The following TM9SF3 variants were observed in gnomAD, a reference collection of about 807,000 sequenced individuals.
TM9SF3 encodes SM-11044-binding protein.
In TM9SF3, 14 loss-of-function variants were observed where a neutral mutation model predicts 78.6. That is an observed-to-expected ratio of 0.18 (90% CI 0.12 to 0.28). The LOEUF is 0.28. Among genes scored for constraint, TM9SF3 ranks in the 10% least tolerant of loss-of-function variants. TM9SF3 has a pLI of 1.00. For synonymous variants in TM9SF3, 231 were observed against 241.7 expected (o/e 0.96, Z 0.41); for missense variants, 496 against 721.9 (o/e 0.69, Z 3.59).
intron 2 of TM9SF3, among the ~76,000 whole-genome samples, chr10:96,566,457 G>A (rs1183714484): frequency 1.3e-5 from 2 of 152,138 alleles, no homozygotes; most frequent in African/African-American, 2.4e-5. Flanking sequence ...TTAAGAGAGA[G>A]AGTAGCTTCC....
At chr10:96,532,158 C>T (rs557106365) in intron 10 of TM9SF3, among the ~76,000 whole-genome samples, 3 of 151,304 alleles carry the variant, frequency 2.0e-5, no homozygotes, top group East Asian at 1.9e-4. Flanking sequence ...TGCAGTGAGC[C>T]GAGATCACAC....
intron 6 of TM9SF3, among the ~76,000 whole-genome samples, 176 bp downstream of exon 6, chr10:96,552,752 A>G (rs1029668223): frequency 4.6e-5 from 7 of 152,164 alleles, no homozygotes; most frequent in African/African-American, 1.7e-4. Context: ...ATATTATTTG[A>G]TTACAGGGCA....
chr10:96,562,895 CT>C (rs1177401402), intron 3 of TM9SF3, among the ~76,000 whole-genome samples: 1 of 152,186 alleles, frequency 6.6e-6, no homozygotes, highest in African/African-American at 2.4e-5. Context: ...TTCCCAATAG[CT>C]TTATGCTCTG....
chr10:96,556,438 A>G (rs1311307701), intron 5 of TM9SF3, among the ~76,000 whole-genome samples: 1 of 152,220 alleles, frequency 6.6e-6, no homozygotes. Flanking sequence ...GGTCATAGTA[A>G]GCGGCAAAGC....
Position 96,586,892 on chromosome 10 carries a change from T to TCCGCCG in TM9SF3, c.-58_-57insCGGCGG, listed in dbSNP as rs1564944124. 2.0e-5 allele frequency: 22 copies of TCCGCCG among 1,112,640 alleles called. No homozygotes were observed. The East Asian group carries it at 8.1e-4, about 41-fold the overall frequency. The allele number at this position is 1,112,640 out of a possible 1,614,324, so 68.9% of individuals were successfully genotyped here. Reference sequence around the variant, plus strand: ...ACCGACTCCTCCTCCCGCCGCCGCCTCCTCCGCCGCCGCCGCCTCCGCCGC... The same window carrying TCCGCCG: ...ACCGACTCCTCCTCCCGCCGCCGCCTCCGCCGCCTCCGCCGCCGCCGCCTCCGCCGC... On this transcript the variant is annotated 5_prime_UTR_variant, in exon 1 of 15. Transcript: ENST00000371142.
chr10:96,562,043 C>T lies in TM9SF3; in HGVS notation c.517G>A (p.Val173Ile). 6.2e-7 allele frequency: 1 copy of T among 1,613,432 alleles called. No homozygotes were observed. The highest frequency in any genetic ancestry group is 8.5e-7 in the Non-Finnish European group (1 of 1,179,664). The change falls in exon 4 of 15, where the codon GTT becomes ATT. Residue 173 changes from valine to isoleucine, a missense_variant. Transcript: ENST00000371142. ...IGFNGNRIVD[V>I]NLTSEGKVKL... Reference sequence around the variant, plus strand: ...ACCTTTCCTTCACTAGTTAGATTAACATCAACAATTCGATTTCCATTAAAA... The same window carrying T: ...ACCTTTCCTTCACTAGTTAGATTAATATCAACAATTCGATTTCCATTAAAA...
intron 8 of TM9SF3, among the ~76,000 whole-genome samples, chr10:96,544,617 G>A (rs931350181): frequency 6.6e-6 from 1 of 152,048 alleles, no homozygotes; most frequent in East Asian, 1.9e-4. Context: ...AGTCACTGGT[G>A]AAGAAAAATC....
intron 2 of TM9SF3, among the ~76,000 whole-genome samples, chr10:96,569,583 G>A (rs1454744937): frequency 6.6e-6 from 1 of 152,170 alleles, no homozygotes; most frequent in East Asian, 1.9e-4. Flanking sequence ...GTCAACAACT[G>A]CCTTAAATAT....
chr10:96,536,583 T>G (rs967987641), intron 9 of TM9SF3, among the ~76,000 whole-genome samples: 1 of 152,132 alleles, frequency 6.6e-6, no homozygotes, highest in Non-Finnish European at 1.5e-5. Context: ...TTCCTACATA[T>G]AGTCAACACT....
intron 9 of TM9SF3, among the ~76,000 whole-genome samples, chr10:96,537,113 G>C (rs1479075055): frequency 6.6e-6 from 1 of 152,192 alleles, no homozygotes; most frequent in Non-Finnish European, 1.5e-5. Context: ...GAGATTTTCA[G>C]TTGTACGGGC....
At chr10:96,562,885 T>C (rs1848326291) in intron 3 of TM9SF3, among the ~76,000 whole-genome samples, 1 of 152,196 alleles carries the variant, frequency 6.6e-6, no homozygotes. Flanking sequence ...GCCTAAACAG[T>C]TCCCAATAGC....
chr10:96,527,472 A>T lies in TM9SF3; in HGVS notation c.1566T>A (p.Ala522=). The T allele has an allele frequency of 6.2e-7, 1 of 1,610,838 alleles. No homozygotes were observed. The change falls in exon 13 of 15, where the codon GCT becomes GCA. Residue 522 remains alanine (A), a synonymous_variant. Transcript: ENST00000371142. ...YRWQWTSFLS[A]ASTAIYVYMY... The stretch of plus-strand genomic sequence containing the variant: ...TGTAAACATAGATTGCAGTTGATGC[A>T]GCAGAGAGAAAACTTGTCCATTGCC...
intron 14 of TM9SF3, among the ~76,000 whole-genome samples, chr10:96,523,402 T>A (rs1847802832): frequency 6.6e-6 from 1 of 151,816 alleles, no homozygotes; most frequent in Non-Finnish European, 1.5e-5. Flanking sequence ...CTCTCCTGTT[T>A]CTCCTATGTA....
chr10:96,557,934 TGACTAGAACGTAAGTTCCTAGAGGGTATA>T (rs1306066580), intron 5 of TM9SF3, among the ~76,000 whole-genome samples: 1 of 152,238 alleles, frequency 6.6e-6, no homozygotes, highest in Non-Finnish European at 1.5e-5. Context: ...CACGTCTCCT[TGACTAGAACGTAAGTTCCTAGAGGGTATA>T]GATCTTTGCC....
At chr10:96,545,672 C>T (rs941042368) in intron 8 of TM9SF3, among the ~76,000 whole-genome samples, 8 of 152,140 alleles carry the variant, frequency 5.3e-5, no homozygotes, top group African/African-American at 1.9e-4. Context: ...AGCAGATCAC[C>T]TGAAGTCAGG....
chr10:96,525,690 C>T (rs1276872944), intron 14 of TM9SF3, among the ~76,000 whole-genome samples: 2 of 152,036 alleles, frequency 1.3e-5, no homozygotes, highest in Admixed American at 1.3e-4. Context: ...ATTATCCACT[C>T]TCTGGAAATG....
chr10:96,553,502 G>A (rs1004304048), intron 5 of TM9SF3, among the ~76,000 whole-genome samples: 4 of 152,110 alleles, frequency 2.6e-5, no homozygotes, highest in African/African-American at 9.7e-5. Flanking sequence ...TATATATAAA[G>A]TATGGCACCT....
intron 5 of TM9SF3, among the ~76,000 whole-genome samples, chr10:96,554,324 A>G (rs1435673771): frequency 6.6e-6 from 1 of 152,156 alleles, no homozygotes; most frequent in Non-Finnish European, 1.5e-5. Flanking sequence ...TACTTTTCAA[A>G]GAAGACATGT....
At chr10:96,549,816 TTAA>T (rs1848146508) in intron 7 of TM9SF3, among the ~76,000 whole-genome samples, 2 of 121,816 alleles carry the variant, frequency 1.6e-5, no homozygotes, top group Non-Finnish European at 3.4e-5. Context: ...CTTCTGCATT[TTAA>T]AAAAAAAAAA....
Sources: gnomAD v4.1 joint callset for allele counts (sites outside exome capture counted in the v4.1 genomes callset) on GRCh38, gnomAD v4.1.1 for gene constraint, MANE v1.5 for transcripts, NCBI Gene and HGNC (gene_info 2026-07-23, HGNC 2026-07-21) for gene names.